TRPM3: variants seen among roughly 807,000 people sequenced by gnomAD.
TRPM3 encodes long transient receptor potential channel 3.
Under a neutral mutation model 181.2 loss-of-function variants are expected in TRPM3, and 77 were observed. The observed-to-expected ratio is 0.42, with a 90% confidence interval of 0.35 to 0.51. TRPM3 has a LOEUF of 0.51. Ranked by LOEUF, TRPM3 falls within the 20% of genes least tolerant of loss-of-function variation. TRPM3 has a pLI of 0.01. For synonymous variants in TRPM3, 745 were observed against 796.4 expected (o/e 0.94, Z 1.09); for missense variants, 1,759 against 2,196.7 (o/e 0.80, Z 3.98).
intron 1 of TRPM3, among the ~76,000 whole-genome samples, chr9:71,015,791 T>C (rs1223197865): frequency 6.6e-6 from 1 of 152,166 alleles, no homozygotes. Context: ...AGATTTTGGA[T>C]AGATTTTTGT....
At chr9:70,975,424 A>G (rs2097293267) in intron 1 of TRPM3, among the ~76,000 whole-genome samples, 2 of 152,230 alleles carry the variant, frequency 1.3e-5, no homozygotes, top group African/African-American at 4.8e-5. Flanking sequence ...CTTGAAAACA[A>G]ATATAATACT....
chr9:71,183,791 T>C (rs1395668825), intron 1 of TRPM3, among the ~76,000 whole-genome samples: 1 of 152,068 alleles, frequency 6.6e-6, no homozygotes, highest in Non-Finnish European at 1.5e-5. Context: ...CTTTAACAGG[T>C]ACATCTATGA....
At chr9:70,917,400 G>A (rs2096608444) in intron 1 of TRPM3, 2 of 870,232 alleles carry the variant, frequency 2.3e-6, no homozygotes, top group Admixed American at 1.7e-5. Context: ...GAGCTCAGTG[G>A]GGACACCACC....
At chr9:70,980,831 C>T (rs1251822587) in intron 1 of TRPM3, among the ~76,000 whole-genome samples, 4 of 152,206 alleles carry the variant, frequency 2.6e-5, no homozygotes, top group Non-Finnish European at 4.4e-5. Flanking sequence ...TTCGCCTCAT[C>T]TTCCAAGCTT....
At chr9:70,937,131 G>A (rs1375448703) in intron 1 of TRPM3, among the ~76,000 whole-genome samples, 1 of 152,110 alleles carries the variant, frequency 6.6e-6, no homozygotes, top group Non-Finnish European at 1.5e-5. Flanking sequence ...CACATGGCAA[G>A]AGTTGATAAC....
chr9:71,257,443 C>T (rs754496838), intron 1 of TRPM3, among the ~76,000 whole-genome samples: 3 of 152,198 alleles, frequency 2.0e-5, no homozygotes, highest in Non-Finnish European at 2.9e-5. Context: ...CAAAATATAG[C>T]GATTTCAGTG....
intron 1 of TRPM3, among the ~76,000 whole-genome samples, chr9:71,241,648 T>A (rs989354799): frequency 1.3e-5 from 2 of 151,634 alleles, no homozygotes; most frequent in African/African-American, 4.8e-5. Flanking sequence ...AAGTATAATT[T>A]AAAAAAAAAT....
chr9:71,315,438 G>A (rs2088475928), intron 1 of TRPM3, among the ~76,000 whole-genome samples: 2 of 152,124 alleles, frequency 1.3e-5, no homozygotes, highest in African/African-American at 2.4e-5. Context: ...ATTTGAAACT[G>A]AGAAATTTCC....
intron 1 of TRPM3, among the ~76,000 whole-genome samples, chr9:71,290,057 G>A (rs940900695): frequency 2.1e-5 from 3 of 140,466 alleles, no homozygotes; most frequent in African/African-American, 7.5e-5. Flanking sequence ...GTACAACTAT[G>A]ATATGTCAGT....
At chr9:71,077,117 A>G (rs2063571804) in intron 1 of TRPM3, among the ~76,000 whole-genome samples, 1 of 152,228 alleles carries the variant, frequency 6.6e-6, no homozygotes, top group South Asian at 2.1e-4. Flanking sequence ...GCCATGCACT[A>G]GGATCAACCA....
chr9:71,340,417 G>C (rs748130222), intron 1 of TRPM3, among the ~76,000 whole-genome samples: 2 of 152,070 alleles, frequency 1.3e-5, no homozygotes, highest in Non-Finnish European at 2.9e-5. Context: ...TTGTGGGAGG[G>C]ACACAGTGGA....
At chr9:70,823,495 T>C (rs1036533107) in intron 6 of TRPM3, among the ~76,000 whole-genome samples, 3 of 152,234 alleles carry the variant, frequency 2.0e-5, no homozygotes, top group Non-Finnish European at 4.4e-5. Flanking sequence ...TTCATTCAGG[T>C]TGTTGCATAA....
At chr9:71,334,055 A>G (rs925802537) in intron 1 of TRPM3, among the ~76,000 whole-genome samples, 2 of 151,908 alleles carry the variant, frequency 1.3e-5, no homozygotes, top group Non-Finnish European at 2.9e-5. Flanking sequence ...GTGGAATGAG[A>G]AAGTCTTCTA....
At chr9:70,680,595 T>A (rs1055709115) in intron 9 of TRPM3, among the ~76,000 whole-genome samples, 2 of 152,144 alleles carry the variant, frequency 1.3e-5, no homozygotes, top group Non-Finnish European at 2.9e-5. Context: ...TCTAGGGAGA[T>A]GACAAACAGG....
At chr9:70,984,520 A>G (rs1333144510) in intron 1 of TRPM3, among the ~76,000 whole-genome samples, 2 of 152,252 alleles carry the variant, frequency 1.3e-5, no homozygotes, top group African/African-American at 4.8e-5. Flanking sequence ...ACTGTTTTAT[A>G]TAGTTCTAAC....
chr9:71,288,618 C>T (rs1467386945), intron 1 of TRPM3, among the ~76,000 whole-genome samples: 2 of 152,028 alleles, frequency 1.3e-5, no homozygotes, highest in East Asian at 3.9e-4. Context: ...TCACACAGAG[C>T]TGAGTTATTA....
intron 1 of TRPM3, among the ~76,000 whole-genome samples, chr9:71,194,092 G>T (rs1247406330): frequency 6.6e-6 from 1 of 151,790 alleles, no homozygotes; most frequent in Admixed American, 6.6e-5. Context: ...TTTGTAATTT[G>T]TCACCATAAT....
At chr9:71,065,085 G>A (rs1189264853) in intron 1 of TRPM3, among the ~76,000 whole-genome samples, 1 of 152,132 alleles carries the variant, frequency 6.6e-6, no homozygotes, top group Non-Finnish European at 1.5e-5. Context: ...GGGCTTGTAA[G>A]CAATTAGTTT....
At chr9:70,786,311 CAAAAAAAAAA>C (rs71367227) in intron 6 of TRPM3, among the ~76,000 whole-genome samples, 1 of 54,472 alleles carries the variant, frequency 1.8e-5, no homozygotes, top group Non-Finnish European at 3.4e-5. Context: ...CTAAAAATAC[CAAAAAAAAAA>C]AAAAAAAAAA....
Sources: allele counts gnomAD v4.1 joint callset (sites outside exome capture counted in the v4.1 genomes callset), GRCh38; gene constraint gnomAD v4.1.1; transcripts MANE v1.5; gene names NCBI Gene and HGNC (gene_info 2026-07-23, HGNC 2026-07-21).